CDH23: variants seen among roughly 807,000 people sequenced by gnomAD.
CDH23 encodes cadherin related 23.
A neutral mutation model predicts 317.1 loss-of-function variants in CDH23; 189 were observed. The observed-to-expected ratio is 0.60, with a 90% CI of 0.53 to 0.67. The LOEUF is 0.67. CDH23 is among the 30% of genes least tolerant of loss of function. The pLI is 0.00. For missense variants in CDH23, 4,401 were observed against 4,592.4 expected, an observed-to-expected ratio of 0.96 and a Z score of 1.20; for synonymous variants, 1,839 against 1,876.8, an observed-to-expected ratio of 0.98 and a Z score of 0.52.
Position 71,704,967 on chromosome 10 carries a change from G to C in CDH23, c.2790G>C (p.Pro930=). Residue 930 remains proline (P), a synonymous_variant, in exon 25 of 70, where the codon CCG becomes CCC. Transcript: ENST00000224721. Reference sequence around the variant, plus strand: ...ACGGCCTGGTGTCCTACCGCATGCCGGTGGGCATGCCCCGCATGGACTTCC... The same window carrying C: ...ACGGCCTGGTGTCCTACCGCATGCCCGTGGGCATGCCCCGCATGGACTTCC... ...GLNGLVSYRM[P]VGMPRMDFLI... 1 of 1,612,852 alleles carries C rather than the reference G, an allele frequency of 6.2e-7. No homozygotes were observed. The highest frequency in any genetic ancestry group is 1.3e-5 in the African/African-American group (1 of 75,044).
intron 6 of CDH23, among the ~76,000 whole-genome samples, chr10:71,564,167 G>A (rs2132350326): frequency 6.6e-6 from 1 of 152,250 alleles, no homozygotes; most frequent in Admixed American, 6.5e-5. Context: ...GATGCACCTG[G>A]CCCCATAAAG....
chr10:71,570,799 A>C lies in CDH23; in HGVS notation c.634A>C (p.Lys212Gln). The change falls in exon 8 of 70, where the codon AAG becomes CAG. Residue 212 changes from lysine (K) to glutamine (Q), a missense_variant. Lys to Gln is a moderately conservative substitution (Grantham distance 53, BLOSUM62 1). This residue lies in a region of CDH23 where 3,068 missense variants were observed against 3,203.3 expected (regional missense o/e 0.96). Coordinates refer to ENST00000224721, the MANE Select transcript of CDH23 (RefSeq NM_022124.6). Reference sequence around the variant, plus strand: ...CTCTCCGCTCTCTAAGGATCAAGACAAGACCAGGCCTCTGTCCACCCTGGC... The same window carrying C: ...CTCTCCGCTCTCTAAGGATCAAGACCAGACCAGGCCTCTGTCCACCCTGGC... ...QLTVNATDQD[K>Q]TRPLSTLANL... 6.2e-7 allele frequency: 1 copy of C among 1,611,932 alleles called. No individual in the cohort carries two copies. Among genetic ancestry groups the C allele is most frequent in the Non-Finnish European group, 8.5e-7 (1 of 1,178,960 alleles).
intron 1 of CDH23, among the ~76,000 whole-genome samples, chr10:71,428,265 G>A (rs953990901): frequency 2.0e-5 from 3 of 151,028 alleles, no homozygotes; most frequent in Non-Finnish European, 4.4e-5. Context: ...AGCCTCCTGA[G>A]TAGCTGGAAT....
At chr10:71,758,249 G>A (rs1840199092) in intron 38 of CDH23, among the ~76,000 whole-genome samples, 1 of 152,208 alleles carries the variant, frequency 6.6e-6, no homozygotes, top group African/African-American at 2.4e-5. Context: ...CCTTTGAGTT[G>A]GGTTTTGTTG....
At chr10:71,564,725 G>C (rs1220411687) in intron 6 of CDH23, among the ~76,000 whole-genome samples, 1 of 152,218 alleles carries the variant, frequency 6.6e-6, no homozygotes, top group Admixed American at 6.5e-5. Flanking sequence ...TAGACTGGCC[G>C]AGTGCTCTGA....
chr10:71,627,088 T>A (rs1861770852), intron 11 of CDH23, among the ~76,000 whole-genome samples: 1 of 152,180 alleles, frequency 6.6e-6, no homozygotes, highest in Non-Finnish European at 1.5e-5. Flanking sequence ...TCCACACAGC[T>A]GGTACCTGGG....
At position 71,778,244 on chromosome 10, in the gene CDH23, C is replaced by A; in HGVS notation, c.5123C>A (p.Thr1708Asn). 6.2e-7 allele frequency: 1 copy of A among 1,613,930 alleles called. No homozygotes were observed. The highest frequency in any genetic ancestry group is 8.5e-7 in the Non-Finnish European group (1 of 1,179,852). ...TACGAGATCAGCCACGGCCGCTACA[C>A]CCTGATCGTCACTGCCACAGACCAG... ...LDYEISHGRY[T>N]LIVTATDQCP... Residue 1708 changes from threonine (T) to asparagine (N), a missense_variant, in exon 40 of 70, where the codon ACC becomes AAC. Coordinates refer to ENST00000224721, the MANE Select transcript of CDH23 (RefSeq NM_022124.6).
intron 11 of CDH23, among the ~76,000 whole-genome samples, chr10:71,640,202 T>C (rs914894238): frequency 1.3e-5 from 2 of 152,180 alleles, no homozygotes; most frequent in East Asian, 3.8e-4. Context: ...CCAGGCATCT[T>C]TGAGCTCAAA....
At chr10:71,588,126 T>C (rs1420826201) in intron 9 of CDH23, among the ~76,000 whole-genome samples, 5 of 151,774 alleles carry the variant, frequency 3.3e-5, no homozygotes, top group African/African-American at 1.2e-4. Flanking sequence ...CCAGATGGAG[T>C]TCTAGTTACT....
At chr10:71,478,146 A>T (rs2394797) in intron 3 of CDH23, among the ~76,000 whole-genome samples, 22,990 of 152,224 alleles carry the variant, frequency 0.15, 1,813 homozygotes, top group East Asian at 0.21. Flanking sequence ...AAAGTACAAA[A>T]GAAGCCAGGT....
intron 1 of CDH23, among the ~76,000 whole-genome samples, chr10:71,430,794 T>C (rs929485767): frequency 3.9e-5 from 6 of 152,196 alleles, no homozygotes; most frequent in Admixed American, 6.5e-5. Context: ...CACTCCAGCC[T>C]GGGTGACAGA....
chr10:71,740,987 C>G (rs773917329), intron 37 of CDH23, 37 bp downstream of exon 37: 4 of 1,612,110 alleles, frequency 2.5e-6, no homozygotes, highest in Non-Finnish European at 3.4e-6. Context: ...GCTGGACATA[C>G]GGGGGGACCG....
chr10:71,589,402 G>A (rs569641296), intron 9 of CDH23, among the ~76,000 whole-genome samples: 105 of 152,324 alleles, frequency 6.9e-4, no homozygotes, highest in African/African-American at 2.5e-3. Context: ...ACAGGCGTGA[G>A]CCACCGTGCC....
chr10:71,807,424 TA>T lies in CDH23; in HGVS notation c.8308+19del. On this transcript the variant is annotated intron_variant, in intron 58 of 69. Coordinates refer to ENST00000224721, the MANE Select transcript of CDH23 (RefSeq NM_022124.6). ...CATCGCAGGTGGGGCCAGACAGAGC[TA>T]GTGCCCTGATTACCCTGGGGCTAGA... is the stretch of plus-strand genomic sequence containing the variant. 2.5e-6 allele frequency: 4 copies of T among 1,613,662 alleles called. No homozygotes were observed. The highest frequency in any genetic ancestry group is 3.4e-6 in the Non-Finnish European group (4 of 1,179,644).
intron 38 of CDH23, among the ~76,000 whole-genome samples, chr10:71,774,944 GGGAAGGCTACAACAGA>G (rs1274431575): frequency 1.1e-4 from 16 of 152,208 alleles, no homozygotes; most frequent in Non-Finnish European, 4.4e-5. Context: ...TCTAAGGGCA[GGGAAGGCTACAACAGA>G]GGAAGGCTGA....
chr10:71,436,552 A>C (rs1849632119), intron 1 of CDH23, among the ~76,000 whole-genome samples: 1 of 152,230 alleles, frequency 6.6e-6, no homozygotes, highest in South Asian at 2.1e-4. Flanking sequence ...GGTCAATCCT[A>C]GAGTGACCTC....
chr10:71,569,429 C>T (rs1218194262), intron 7 of CDH23, among the ~76,000 whole-genome samples: 1 of 152,194 alleles, frequency 6.6e-6, no homozygotes, highest in African/African-American at 2.4e-5. Flanking sequence ...AGTCGCTCCT[C>T]AAATCTTAGC....
At chr10:71,796,494 G>A (rs140873846) in intron 48 of CDH23, among the ~76,000 whole-genome samples, 26 of 152,246 alleles carry the variant, frequency 1.7e-4, no homozygotes, top group South Asian at 1.7e-3. Context: ...GTATCCAGAC[G>A]GTCCCACCAC....
At chr10:71,606,735 G>A (rs905916392) in intron 9 of CDH23, among the ~76,000 whole-genome samples, 14 of 152,196 alleles carry the variant, frequency 9.2e-5, no homozygotes, top group African/African-American at 2.9e-4. Context: ...TGGAGAGAGA[G>A]TGACAGGGGT....
Sources: gnomAD v4.1 joint callset for allele counts (sites outside exome capture counted in the v4.1 genomes callset) on GRCh38, gnomAD v4.1.1 for gene constraint, gnomAD v4.1.1 regional missense constraint, MANE v1.5 for transcripts, NCBI Gene and HGNC (gene_info 2026-07-23, HGNC 2026-07-21) for gene names.